VCPIP1: variants seen among roughly 807,000 people sequenced by gnomAD.
VCPIP1 encodes deubiquitinating protein VCPIP1.
Under a neutral mutation model 85.0 loss-of-function variants are expected in VCPIP1, and 8 were observed. The observed-to-expected ratio is 0.09, with a 90% confidence interval of 0.06 to 0.17. The LOEUF (loss-of-function observed/expected upper bound fraction) is 0.17. VCPIP1 is among the 10% of genes least tolerant of loss of function. The pLI, the probability that VCPIP1 is intolerant of heterozygous loss-of-function variation, is 1.00. For missense variants in VCPIP1, 1,070 were observed against 1,486.3 expected (o/e 0.72, Z 4.61); for synonymous variants, 543 against 544.5 (o/e 1.00, Z 0.04).
chr8:66,664,380 G>A lies in VCPIP1; in HGVS notation c.2579C>T (p.Ser860Phe), dbSNP rs1355866668. The change falls in exon 1 of 3, where the codon TCT becomes TTT. Residue 860 changes from serine (S) to phenylalanine (F), a missense_variant. Around this residue, in one of 8 missense-constraint regions of VCPIP1, gnomAD observed 278 missense variants for 298.5 expected, o/e 0.93. Transcript: ENST00000310421. ...ILKSKAEGGQSAAAHSAHTVK... is the reference protein window; with the variant it reads ...ILKSKAEGGQFAAAHSAHTVK... The stretch of plus-strand genomic sequence containing the variant: ...AGTGTGGGCTGAGTGTGCTGCAGCA[G>A]ACTGACCACCTTCAGCTTTACTTTT... 2 of 1,613,790 alleles carry A rather than the reference G, an allele frequency of 1.2e-6. No homozygotes were observed. Among genetic ancestry groups the A allele is most frequent in the East Asian group, 4.5e-5 (2 of 44,880 alleles).
rs1339276184 is a variant in VCPIP1 at position 66,632,255 on chromosome 8, G to A, written c.*2246C>T. The A allele has an allele frequency of 6.6e-6, 1 of 152,052 alleles. No homozygotes were observed. Among genetic ancestry groups the A allele is most frequent in the Non-Finnish European group, 1.5e-5 (1 of 67,930 alleles). The allele number at this position is 152,052 out of a possible 1,614,324, so 9.4% of individuals were successfully genotyped here. A position where few individuals can be genotyped will look rare whatever the true frequency, so the allele number is the denominator to read the frequency against. On this transcript the variant is annotated 3_prime_UTR_variant, in exon 3 of 3. Coordinates refer to ENST00000310421, the MANE Select transcript of VCPIP1 (RefSeq NM_025054.5). ...AAACCCTATTCTAAAACTTCTTTGTGAGGATACCTGGCCTACTTCTCAAAA... is the reference window on the plus strand; with the variant it reads ...AAACCCTATTCTAAAACTTCTTTGTAAGGATACCTGGCCTACTTCTCAAAA...
chr8:66,652,949 T>C (rs1419090066), intron 1 of VCPIP1, among the ~76,000 whole-genome samples: 1 of 152,228 alleles, frequency 6.6e-6, no homozygotes, highest in African/African-American at 2.4e-5. Flanking sequence ...TTGTTGGACC[T>C]GAGCTCTGAA....
chr8:66,664,581 G>A lies in VCPIP1; in HGVS notation c.2378C>T (p.Ser793Phe), dbSNP rs1410778741. The change falls in exon 1 of 3, where the codon TCT (serine) becomes TTT (phenylalanine). Residue 793 changes from serine to phenylalanine, a missense_variant. Physicochemically the swap from Ser to Phe is radical, Grantham distance 155. Transcript: ENST00000310421. ...DGRQSMVTLK[S>F]STTFFELQES... ...CTGAAGTTCAAAAAAGGTTGTTGAA[G>A]ACTTAAGGGTAACCATGGACTGTCG... The A allele has an allele frequency of 6.2e-7, 1 of 1,614,054 alleles. No individual in the cohort carries two copies. The highest frequency in any genetic ancestry group is 8.5e-7 in the Non-Finnish European group (1 of 1,180,046).
In VCPIP1 at chr8:66,628,749, T is replaced by C. The variant is rs1810804967; in HGVS notation, c.*5752A>G. The C allele has an allele frequency of 6.6e-6, 1 of 152,240 alleles. No individual in the cohort carries two copies. The highest frequency in any genetic ancestry group is 1.5e-5 in the Non-Finnish European group (1 of 68,044). The allele number at this position is 152,240 out of a possible 1,614,324, so 9.4% of individuals were successfully genotyped here. A position where few individuals can be genotyped will look rare whatever the true frequency, so the allele number is the denominator to read the frequency against. ...ACCTAAAGGAAAGGTAATTATGTTT[T>C]AGTTTACATGGGGCTCATACCCATG... is the stretch of plus-strand genomic sequence containing the variant. On this transcript the variant is annotated 3_prime_UTR_variant, in exon 3 of 3. Transcript: ENST00000310421.
chr8:66,652,780 T>C (rs1811066079), intron 1 of VCPIP1, among the ~76,000 whole-genome samples: 1 of 152,158 alleles, frequency 6.6e-6, no homozygotes, highest in South Asian at 2.1e-4. Context: ...AAGAAATCAA[T>C]AAAGAATGGC....
chr8:66,663,074 C>T (rs939140389), intron 1 of VCPIP1, among the ~76,000 whole-genome samples: 5 of 142,878 alleles, frequency 3.5e-5, no homozygotes, highest in African/African-American at 1.3e-4. Flanking sequence ...CACTGCACTC[C>T]AGCCTGGAGA....
At position 66,630,871 on chromosome 8, in the gene VCPIP1, T is replaced by C. The variant is rs1810828428; in HGVS notation, c.*3630A>G. On this transcript the variant is annotated 3_prime_UTR_variant, in exon 3 of 3. Coordinates refer to ENST00000310421, the MANE Select transcript of VCPIP1 (RefSeq NM_025054.5). ...TTACATGGGTGATATAGTTCCCCTT[T>C]GTTGTTTTATTTCTTAAATATACAT... 2 of 152,568 alleles carry C rather than the reference T, an allele frequency of 1.3e-5. No individual in the cohort carries two copies. The highest frequency in any genetic ancestry group is 2.9e-5 in the Non-Finnish European group (2 of 67,978). 9.5% of individuals were successfully genotyped at this position (152,568 alleles called of 1,614,324 possible). A position where few individuals can be genotyped will look rare whatever the true frequency, so the allele number is the denominator to read the frequency against.
chr8:66,662,044 G>C (rs939023808), intron 1 of VCPIP1, among the ~76,000 whole-genome samples: 1 of 151,896 alleles, frequency 6.6e-6, no homozygotes, highest in Non-Finnish European at 1.5e-5. Flanking sequence ...TGGGATTACA[G>C]GCATGAGCCA....
intron 2 of VCPIP1, among the ~76,000 whole-genome samples, chr8:66,645,514 G>T (rs1810986720): frequency 6.6e-6 from 1 of 152,110 alleles, no homozygotes; most frequent in Non-Finnish European, 1.5e-5. Flanking sequence ...ATCTTTTACA[G>T]TATCATCCAA....
chr8:66,634,619 C>G lies in VCPIP1; in HGVS notation c.3551G>C (p.Gly1184Ala). 1 of 1,614,182 alleles carries G rather than the reference C, an allele frequency of 6.2e-7. No individual in the cohort carries two copies. The highest frequency in any genetic ancestry group is 8.5e-7 in the Non-Finnish European group (1 of 1,180,028). Reference sequence around the variant, plus strand: ...TTTTGACCTTGTGGCAAAGGCTGCTCCCAGTGCATCTGCTACACAGCCATC... The same window carrying G: ...TTTTGACCTTGTGGCAAAGGCTGCTGCCAGTGCATCTGCTACACAGCCATC... ...TTDGCVADAL[G>A]AAFATRSKAQ... The change falls in exon 3 of 3, where the codon GGA becomes GCA. Residue 1184 changes from glycine (G) to alanine (A), a missense_variant. Around this residue, in one of 8 missense-constraint regions of VCPIP1, gnomAD observed 255 missense variants for 289.5 expected, o/e 0.88. Coordinates refer to ENST00000310421, the MANE Select transcript of VCPIP1 (RefSeq NM_025054.5).
intron 1 of VCPIP1, among the ~76,000 whole-genome samples, chr8:66,659,923 A>C (rs1811139918): frequency 6.6e-6 from 1 of 152,140 alleles, no homozygotes; most frequent in South Asian, 2.1e-4. Context: ...TCTCCAGAAA[A>C]AAAAAAGAAA....
intron 1 of VCPIP1, 85 bp from the exon 2 acceptor site, chr8:66,651,629 A>C: frequency 9.3e-7 from 1 of 1,070,024 alleles, no homozygotes; most frequent in Admixed American, 2.1e-5. Context: ...GCCTAGAATA[A>C]ACATCAAGGC....
rs1012540847 is a variant in VCPIP1, at chr8:66,633,758, A to T, written c.*743T>A. The T allele has an allele frequency of 2.0e-5, 3 of 152,114 alleles. No homozygotes were observed. The highest frequency in any genetic ancestry group is 2.9e-5 in the Non-Finnish European group (2 of 67,992). The allele number at this position is 152,114 out of a possible 1,614,324, so 9.4% of individuals were successfully genotyped here. A position where few individuals can be genotyped will look rare whatever the true frequency, so the allele number is the denominator to read the frequency against. Reference sequence around the variant, plus strand: ...AACTTTTCTGCAAGATTAAAAAAAAAAAAATCAGGTTGTTCTTGACCAAGC... The same window carrying T: ...AACTTTTCTGCAAGATTAAAAAAAATAAAATCAGGTTGTTCTTGACCAAGC... On this transcript the variant is annotated 3_prime_UTR_variant, in exon 3 of 3. Transcript: ENST00000310421.
chr8:66,662,948 T>C (rs1382965805), intron 1 of VCPIP1, among the ~76,000 whole-genome samples: 5 of 151,712 alleles, frequency 3.3e-5, no homozygotes, highest in Non-Finnish European at 7.4e-5. Context: ...CTACTAAAAA[T>C]ACAAAAATTA....
chr8:66,660,478 T>C (rs1176630644), intron 1 of VCPIP1, among the ~76,000 whole-genome samples: 1 of 152,234 alleles, frequency 6.6e-6, no homozygotes, highest in African/African-American at 2.4e-5. Context: ...AGGGTGGTGG[T>C]ATTTAAGCCT....
At chr8:66,652,218 T>C (rs1322179460) in intron 1 of VCPIP1, among the ~76,000 whole-genome samples, 1 of 152,142 alleles carries the variant, frequency 6.6e-6, no homozygotes, top group African/African-American at 2.4e-5. Flanking sequence ...CAAGTCAAGA[T>C]AGTCAATATT....
chr8:66,628,605 T>G lies in VCPIP1; in HGVS notation c.*5896A>C, dbSNP rs930514521. 1 of 152,252 alleles carries G rather than the reference T, an allele frequency of 6.6e-6. No individual in the cohort carries two copies. Among genetic ancestry groups the G allele is most frequent in the South Asian group, 2.1e-4 (1 of 4,834 alleles). The allele number at this position is 152,252 out of a possible 1,614,324, so 9.4% of individuals were successfully genotyped here. A position where few individuals can be genotyped will look rare whatever the true frequency, so the allele number is the denominator to read the frequency against. On this transcript the variant is annotated 3_prime_UTR_variant, in exon 3 of 3. Transcript: ENST00000310421. Reference sequence around the variant, plus strand: ...AAATAAAATCCATAATGAGCTGTTATAAGTAGGATGTTTATCTTATTTACT... The same window carrying G: ...AAATAAAATCCATAATGAGCTGTTAGAAGTAGGATGTTTATCTTATTTACT...
chr8:66,645,155 T>A, intron 2 of VCPIP1, among the ~76,000 whole-genome samples: 1 of 148,996 alleles, frequency 6.7e-6, no homozygotes, highest in Non-Finnish European at 1.5e-5. Context: ...GCATGGTGGC[T>A]CATGCCTGTA....
intron 2 of VCPIP1, among the ~76,000 whole-genome samples, chr8:66,642,122 A>G (rs11787419): frequency 0.041 from 6,175 of 152,334 alleles, 178 homozygotes; most frequent in Middle Eastern, 0.068. Context: ...TTTGGACCAC[A>G]GCCAGGCTAG....
Sources: gnomAD v4.1 joint callset for allele counts (sites outside exome capture counted in the v4.1 genomes callset) on GRCh38, gnomAD v4.1.1 for gene constraint, gnomAD v4.1.1 regional missense constraint, MANE v1.5 for transcripts, NCBI Gene and HGNC (gene_info 2026-07-23, HGNC 2026-07-21) for gene names.